NCOR1: variants seen among roughly 807,000 people sequenced by gnomAD.
NCOR1 encodes nuclear receptor corepressor 1.
In NCOR1, 63 loss-of-function variants were observed where a neutral mutation model predicts 288.1. The observed-to-expected ratio is 0.22, with a 90% CI of 0.18 to 0.27. The LOEUF is 0.27. Among genes scored for constraint, NCOR1 ranks in the 10% least tolerant of loss-of-function variants. The pLI is 1.00. For synonymous variants in NCOR1, 1,007 were observed against 1,065.9 expected, an observed-to-expected ratio of 0.94 and a Z score of 1.08; for missense variants, 2,397 against 3,019.2, an observed-to-expected ratio of 0.79 and a Z score of 4.83.
chr17:16,075,992 A>G (rs1225970471), intron 26 of NCOR1, among the ~76,000 whole-genome samples: 1 of 152,250 alleles, frequency 6.6e-6, no homozygotes, highest in African/African-American at 2.4e-5. Context: ...TTTAACTCTC[A>G]GAAGTTTCTC....
At chr17:16,137,038 C>G (rs2076541673) in intron 14 of NCOR1, among the ~76,000 whole-genome samples, 1 of 152,002 alleles carries the variant, frequency 6.6e-6, no homozygotes, top group Admixed American at 6.6e-5. Context: ...ATGATTATTG[C>G]TGACACTGAA....
At chr17:16,114,929 G>C (rs140840228) in intron 18 of NCOR1, among the ~76,000 whole-genome samples, 1 of 152,154 alleles carries the variant, frequency 6.6e-6, no homozygotes, top group Non-Finnish European at 1.5e-5. Flanking sequence ...CACTAGTAGG[G>C]AGTCTGACCC....
chr17:16,101,925 G>T, intron 19 of NCOR1, 168 bp from the exon 20 acceptor site: 2 of 834,674 alleles, frequency 2.4e-6, no homozygotes, highest in Non-Finnish European at 3.6e-6. Context: ...CCTCATTGAA[G>T]TATTTACAGC....
chr17:16,051,820 G>A (rs534232102), intron 40 of NCOR1, among the ~76,000 whole-genome samples: 1 of 152,200 alleles, frequency 6.6e-6, no homozygotes, highest in African/African-American at 2.4e-5. Context: ...GCTGAGGCAG[G>A]AGAATTGCTT....
intron 23 of NCOR1, among the ~76,000 whole-genome samples, chr17:16,083,235 A>G (rs975236822): frequency 1.3e-5 from 2 of 151,874 alleles, no homozygotes; most frequent in Non-Finnish European, 2.9e-5. Context: ...TCTGTCTCAA[A>G]AAAAGGAAAA....
chr17:16,134,867 T>C (rs1297515155), intron 14 of NCOR1, among the ~76,000 whole-genome samples: 2 of 152,172 alleles, frequency 1.3e-5, no homozygotes, highest in Non-Finnish European at 1.5e-5. Flanking sequence ...CTGTTAGAAA[T>C]TTGCAGCTGA....
chr17:16,074,602 C>T (rs895040458), intron 27 of NCOR1, among the ~76,000 whole-genome samples: 1 of 152,154 alleles, frequency 6.6e-6, no homozygotes, highest in Non-Finnish European at 1.5e-5. Context: ...GCACTATGTA[C>T]GCACATACTT....
At chr17:16,166,441 G>A (rs1382850216) in intron 4 of NCOR1, among the ~76,000 whole-genome samples, 1 of 152,102 alleles carries the variant, frequency 6.6e-6, no homozygotes, top group South Asian at 2.1e-4. Context: ...AGTACTTTGG[G>A]ATGCTGACGC....
chr17:16,052,584 A>G (rs2059446961), intron 40 of NCOR1, among the ~76,000 whole-genome samples: 1 of 152,172 alleles, frequency 6.6e-6, no homozygotes, highest in African/African-American at 2.4e-5. Context: ...GACCAATAAC[A>G]TGCTCTGAAA....
chr17:16,077,656 A>G (rs1049516839), intron 26 of NCOR1, among the ~76,000 whole-genome samples: 2 of 151,832 alleles, frequency 1.3e-5, no homozygotes, highest in Non-Finnish European at 2.9e-5. Flanking sequence ...AAAAGAAAAG[A>G]GAAAGAAAAT....
At chr17:16,082,044 C>T (rs1447918776) in intron 23 of NCOR1, among the ~76,000 whole-genome samples, 1 of 152,186 alleles carries the variant, frequency 6.6e-6, no homozygotes, top group Non-Finnish European at 1.5e-5. Flanking sequence ...TGATTTTAGA[C>T]ATTTAAGGAA....
intron 42 of NCOR1, among the ~76,000 whole-genome samples, chr17:16,046,330 A>G (rs113548062): frequency 2.6e-4 from 40 of 152,350 alleles, no homozygotes; most frequent in African/African-American, 9.6e-4. Context: ...AGTACTTAAC[A>G]GTGCACTTCA....
At chr17:16,062,033 C>T (rs952861857) in intron 36 of NCOR1, 72 bp downstream of exon 36, 38 of 1,592,514 alleles carry the variant, frequency 2.4e-5, no homozygotes, top group Non-Finnish European at 3.2e-5. Flanking sequence ...TATACTTAGA[C>T]TATTGCAGTC....
intron 35 of NCOR1, 40 bp from the exon 36 acceptor site, chr17:16,062,310 A>G (rs2060624894): frequency 6.5e-7 from 1 of 1,540,652 alleles, no homozygotes; most frequent in East Asian, 2.3e-5. Context: ...AGACATAAGG[A>G]GGAAGCCAGA....
intron 6 of NCOR1, among the ~76,000 whole-genome samples, chr17:16,154,558 C>T (rs967455829): frequency 6.6e-6 from 1 of 152,062 alleles, no homozygotes; most frequent in African/African-American, 2.4e-5. Flanking sequence ...ACAGCAGGGG[C>T]AACATAGCGG....
intron 28 of NCOR1, among the ~76,000 whole-genome samples, chr17:16,072,523 T>C (rs558899469): frequency 6.6e-6 from 1 of 152,320 alleles, no homozygotes; most frequent in South Asian, 2.1e-4. Flanking sequence ...GGAAAGAAGA[T>C]ACAGGATTGG....
chr17:16,122,478 C>A (rs1243559206), intron 15 of NCOR1: 1 of 152,136 alleles, frequency 6.6e-6, no homozygotes, highest in Non-Finnish European at 1.5e-5. Flanking sequence ...AATCAAATGA[C>A]CTCTTCTCAA....
chr17:16,167,265 A>G (rs1300277267), intron 4 of NCOR1, among the ~76,000 whole-genome samples: 2 of 152,302 alleles, frequency 1.3e-5, no homozygotes. Context: ...TACTTACATA[A>G]CAGGAATAAG....
intron 27 of NCOR1, among the ~76,000 whole-genome samples, chr17:16,074,641 A>T (rs2062174531): frequency 6.6e-6 from 1 of 152,232 alleles, no homozygotes; most frequent in Non-Finnish European, 1.5e-5. Flanking sequence ...GAGAAAGCAT[A>T]GCTCATGACT....
Sources: allele counts gnomAD v4.1 joint callset (sites outside exome capture counted in the v4.1 genomes callset), GRCh38; gene constraint gnomAD v4.1.1; transcripts MANE v1.5; gene names NCBI Gene and HGNC (gene_info 2026-07-23, HGNC 2026-07-21).